The following CLIC4 variants were observed in gnomAD, a reference collection of about 807,000 sequenced individuals.
CLIC4 encodes chloride intracellular channel protein 4.
CLIC4 carries 13 observed loss-of-function variants against 24.6 expected under a neutral mutation model. The observed-to-expected ratio is 0.53, with a 90% CI of 0.34 to 0.84. The LOEUF is 0.84. Among genes scored for constraint, CLIC4 ranks in the 40% least tolerant of loss-of-function variants. The pLI is 0.01. For missense variants in CLIC4, 227 were observed against 301.7 expected, an observed-to-expected ratio of 0.75 and a Z score of 1.83; for synonymous variants, 104 against 111.3, an observed-to-expected ratio of 0.93 and a Z score of 0.41.
At chr1:24,823,768 C>A (rs1639758799) in intron 3 of CLIC4, among the ~76,000 whole-genome samples, 1 of 98,512 alleles carries the variant, frequency 1.0e-5, no homozygotes, top group Non-Finnish European at 2.1e-5. Flanking sequence ...GAGCAAAACT[C>A]TGTCTCAAAA....
chr1:24,769,964 C>G (rs1330665190), intron 1 of CLIC4, among the ~76,000 whole-genome samples: 7 of 151,982 alleles, frequency 4.6e-5, no homozygotes, highest in African/African-American at 1.4e-4. Flanking sequence ...TCAAGTGATC[C>G]TCCTCCTTTA....
At chr1:24,808,283 A>G (rs1639574489) in intron 2 of CLIC4, among the ~76,000 whole-genome samples, 1 of 152,184 alleles carries the variant, frequency 6.6e-6, no homozygotes, top group African/African-American at 2.4e-5. Context: ...GATTGGTTCA[A>G]GGACCCCTGG....
intron 1 of CLIC4, among the ~76,000 whole-genome samples, chr1:24,755,432 G>T (rs1289048035): frequency 3.5e-5 from 5 of 142,396 alleles, no homozygotes; most frequent in Admixed American, 7.0e-5. Context: ...GTGAGACTCT[G>T]TCTCAAAAAA....
intron 1 of CLIC4, among the ~76,000 whole-genome samples, chr1:24,793,655 C>A (rs1348132082): frequency 6.6e-6 from 1 of 151,818 alleles, no homozygotes; most frequent in Non-Finnish European, 1.5e-5. Flanking sequence ...TAATATGATT[C>A]ATTCTGCCCT....
intron 4 of CLIC4, 110 bp downstream of exon 4, chr1:24,827,226 T>C: frequency 1.5e-6 from 1 of 665,880 alleles, no homozygotes; most frequent in Non-Finnish European, 2.6e-6. Flanking sequence ...GCCATTCCCA[T>C]AAGTAATAAA....
intron 2 of CLIC4, among the ~76,000 whole-genome samples, chr1:24,812,117 C>T (rs1031315196): frequency 6.6e-6 from 1 of 152,088 alleles, no homozygotes; most frequent in Non-Finnish European, 1.5e-5. Context: ...TTATCTGTCT[C>T]TCATCAATTT....
intron 1 of CLIC4, among the ~76,000 whole-genome samples, chr1:24,784,415 A>G (rs1309622753): frequency 6.6e-6 from 1 of 152,230 alleles, no homozygotes; most frequent in African/African-American, 2.4e-5. Context: ...CTTAACCACC[A>G]TTCTCTGCTG....
At chr1:24,825,154 C>T (rs1033840058) in intron 3 of CLIC4, among the ~76,000 whole-genome samples, 1 of 151,868 alleles carries the variant, frequency 6.6e-6, no homozygotes, top group East Asian at 1.9e-4. Flanking sequence ...CCTGCCTTCC[C>T]GAAAATTATT....
At chr1:24,778,592 T>C (rs1044755324) in intron 1 of CLIC4, among the ~76,000 whole-genome samples, 12 of 152,166 alleles carry the variant, frequency 7.9e-5, no homozygotes, top group Admixed American at 2.6e-4. Flanking sequence ...ATGTCTTTGA[T>C]GAAGAATTTG....
At chr1:24,747,937 A>G (rs973508504) in intron 1 of CLIC4, among the ~76,000 whole-genome samples, 1 of 151,772 alleles carries the variant, frequency 6.6e-6, no homozygotes, top group African/African-American at 2.4e-5. Context: ...AGGCATGAGA[A>G]TCGCTTGAAC....
intron 3 of CLIC4, among the ~76,000 whole-genome samples, chr1:24,820,266 T>TA (rs1639715958): frequency 5.5e-5 from 2 of 36,088 alleles, no homozygotes; most frequent in Non-Finnish European, 1.1e-4. Context: ...CCCTTTTTGG[T>TA]CTTTTTTTTT....
chr1:24,748,859 T>C (rs1638739679), intron 1 of CLIC4, among the ~76,000 whole-genome samples: 1 of 152,170 alleles, frequency 6.6e-6, no homozygotes, highest in Non-Finnish European at 1.5e-5. Flanking sequence ...AAGGGCATTC[T>C]TGATCTCTTC....
chr1:24,760,246 A>G (rs541040094), intron 1 of CLIC4, among the ~76,000 whole-genome samples: 87 of 152,102 alleles, frequency 5.7e-4, no homozygotes, highest in African/African-American at 2.0e-3. Context: ...GGTGCCTGTA[A>G]TTTCAGCTAC....
At chr1:24,781,287 A>C (rs922751005) in intron 1 of CLIC4, among the ~76,000 whole-genome samples, 1 of 143,568 alleles carries the variant, frequency 7.0e-6, no homozygotes, top group Admixed American at 7.2e-5. Context: ...GGCACACGCC[A>C]CCATGCCCGG....
intron 5 of CLIC4, 30 bp from the exon 6 acceptor site, chr1:24,840,743 C>G (rs113408758): frequency 1.7e-5 from 26 of 1,558,046 alleles, no homozygotes; most frequent in African/African-American, 1.4e-4. Context: ...GGAAATAAGT[C>G]TGTTAACTTT....
chr1:24,817,957 T>A lies in CLIC4; in HGVS notation c.308+3738T>A, dbSNP rs151116727. On this transcript the variant is annotated intron_variant, in intron 3 of 5. Coordinates refer to ENST00000374379, the MANE Select transcript of CLIC4 (RefSeq NM_013943.3). ...TCAGAACACATATGATATTAATCAGTTAAGTGTGCTGTCTTATATGGGTGT... is the reference window on the plus strand; with the variant it reads ...TCAGAACACATATGATATTAATCAGATAAGTGTGCTGTCTTATATGGGTGT... Among the ~76,000 whole-genome samples the A allele has an allele frequency of 9.9e-5, 15 of 152,276 alleles. No homozygotes were observed. In the East Asian group the frequency reaches 2.9e-3, roughly 29 times the overall value.
intron 1 of CLIC4, among the ~76,000 whole-genome samples, chr1:24,779,908 C>T (rs1393595505): frequency 6.6e-5 from 10 of 152,192 alleles, no homozygotes; most frequent in Non-Finnish European, 1.5e-4. Context: ...TTTGATGCCT[C>T]TGATCTGTTT....
At chr1:24,763,533 CA>C (rs33955013) in intron 1 of CLIC4, among the ~76,000 whole-genome samples, 337 of 78,942 alleles carry the variant, frequency 4.3e-3, no homozygotes, top group African/African-American at 0.014. Flanking sequence ...ACTCCGTCTC[CA>C]AAAAAAAAAA....
intron 2 of CLIC4, among the ~76,000 whole-genome samples, chr1:24,809,782 A>C (rs1344954574): frequency 6.6e-6 from 1 of 152,110 alleles, no homozygotes; most frequent in Non-Finnish European, 1.5e-5. Flanking sequence ...TTTTATTCAA[A>C]TTCTGTGCAT....
Sources: gnomAD v4.1 joint callset for allele counts (sites outside exome capture counted in the v4.1 genomes callset) on GRCh38, gnomAD v4.1.1 for gene constraint, MANE v1.5 for transcripts, NCBI Gene and HGNC (gene_info 2026-07-23, HGNC 2026-07-21) for gene names.